The following NPAT variants were observed in gnomAD, a reference collection of about 807,000 sequenced individuals.
The protein encoded by NPAT is nuclear protein, coactivator of histone transcription, also known as protein NPAT.
In NPAT, 52 loss-of-function variants were observed where a neutral mutation model predicts 130.7. The ratio of observed to expected loss-of-function variants is 0.40; its 90% CI spans 0.32 to 0.50. The LOEUF (loss-of-function observed/expected upper bound fraction) is 0.50, where lower values mean the gene tolerates loss of function less well. Among genes scored for constraint, NPAT ranks in the 20% least tolerant of loss-of-function variants. NPAT has a pLI of 0.68. For synonymous variants in NPAT, 580 were observed against 584.8 expected (o/e 0.99, Z 0.12); for missense variants, 1,687 against 1,662.6 (o/e 1.01, Z -0.26).
chr11:108,218,924 G>A (rs1251170030), intron 1 of NPAT, among the ~76,000 whole-genome samples: 4 of 152,124 alleles, frequency 2.6e-5, no homozygotes, highest in Non-Finnish European at 5.9e-5. Flanking sequence ...AAACAAAGGA[G>A]TGTCATAATC....
intron 15 of NPAT, among the ~76,000 whole-genome samples, chr11:108,168,877 A>G (rs1364215762): frequency 5.3e-5 from 8 of 152,164 alleles, no homozygotes; most frequent in Non-Finnish European, 1.2e-4. Flanking sequence ...GTAAGAGATG[A>G]GATGGAGAGG....
intron 1 of NPAT, among the ~76,000 whole-genome samples, chr11:108,218,226 A>G (rs1486780878): frequency 6.6e-6 from 1 of 152,182 alleles, no homozygotes; most frequent in African/African-American, 2.4e-5. Context: ...TATTATCTTC[A>G]GCCTACTTTT....
chr11:108,189,192 A>T lies in NPAT; in HGVS notation c.470T>A (p.Val157Asp), dbSNP rs757325183. 2.7e-5 allele frequency: 43 copies of T among 1,614,076 alleles called. No homozygotes were observed. Among genetic ancestry groups the T allele is most frequent in the Non-Finnish European group, 3.5e-5 (41 of 1,180,042 alleles). Residue 157 changes from valine (V) to aspartate (D), a missense_variant, in exon 6 of 18, where the codon GTT becomes GAT. Val to Asp is a radical substitution (Grantham distance 152). Coordinates refer to ENST00000278612, the MANE Select transcript of NPAT (RefSeq NM_002519.3). ...TGAAATTTGGCCACTTGGTCGAGTA[A>T]CCTGTGTACCTGTGGAAGGAGGAGT... The part of the protein sequence containing the change: ...FTTPPSTGTQ[V>D]TRPSGQISDP...
In NPAT at chr11:108,162,033, A is replaced by G. The variant is rs1210183897; in HGVS notation, c.3072-19T>C. On this transcript the variant is annotated intron_variant, in intron 16 of 17. Coordinates refer to ENST00000278612, the MANE Select transcript of NPAT (RefSeq NM_002519.3). Reference sequence around the variant, plus strand: ...TTCAGTTCTAAAACAAAACAAAACAAAACTATTTCTAGCAGCATAAAGAAA... The same window carrying G: ...TTCAGTTCTAAAACAAAACAAAACAGAACTATTTCTAGCAGCATAAAGAAA... 2 of 1,611,328 alleles carry G rather than the reference A, an allele frequency of 1.2e-6. No individual in the cohort carries two copies. The highest frequency in any genetic ancestry group is 1.3e-5 in the African/African-American group (1 of 74,730).
chr11:108,161,810 T>A lies in NPAT; in HGVS notation c.3276A>T (p.Ala1092=). 2 of 1,614,114 alleles carry A rather than the reference T, an allele frequency of 1.2e-6. No individual in the cohort carries two copies. The highest frequency in any genetic ancestry group is 1.7e-6 in the Non-Finnish European group (2 of 1,180,044). Residue 1092 remains alanine, a synonymous_variant, in exon 17 of 18, where the codon GCA becomes GCT. Coordinates refer to ENST00000278612, the MANE Select transcript of NPAT (RefSeq NM_002519.3). ...GTGAGTCAAGATTAGGAAAAGAGAC[T>A]GCATTCCTTTCTTTGTTTTGGGACA... The part of the protein sequence containing the change: ...KMVSQNKERN[A]VSFPNLDSPN...
At chr11:108,197,234 G>C in intron 2 of NPAT, 68 bp downstream of exon 2, 1 of 1,133,338 alleles carries the variant, frequency 8.8e-7, no homozygotes, top group Admixed American at 1.7e-5. Context: ...CTGATAAGCT[G>C]ATTTTATGAC....
At chr11:108,166,408 AT>A (rs1192993558) in intron 15 of NPAT, among the ~76,000 whole-genome samples, 1 of 152,176 alleles carries the variant, frequency 6.6e-6, no homozygotes, top group Non-Finnish European at 1.5e-5. Flanking sequence ...AAATAAAAAA[AT>A]AAATAAATCC....
intron 1 of NPAT, among the ~76,000 whole-genome samples, chr11:108,210,263 C>T (rs2078372188): frequency 6.6e-6 from 1 of 152,062 alleles, no homozygotes; most frequent in African/African-American, 2.4e-5. Context: ...TTAGATGTTG[C>T]TCCTGCTAAA....
chr11:108,167,911 A>G (rs1036574509), intron 15 of NPAT, among the ~76,000 whole-genome samples: 7 of 152,226 alleles, frequency 4.6e-5, no homozygotes, highest in Admixed American at 3.9e-4. Context: ...AAGGATATGA[A>G]TAAGCAATTC....
Position 108,222,573 on chromosome 11 carries a change from G to A in NPAT, c.-37C>T, listed in dbSNP as rs199579930. ...CAGCAGGAACCACAATAAGGAACAA[G>A]ACTCAGGTTAAAGCAAACACAGCGA... On this transcript the variant is annotated 5_prime_UTR_variant, in exon 1 of 18. Coordinates refer to ENST00000278612, the MANE Select transcript of NPAT (RefSeq NM_002519.3). 6.2e-7 allele frequency: 1 copy of A among 1,612,750 alleles called. No homozygotes were observed. Among genetic ancestry groups the A allele is most frequent in the Non-Finnish European group, 8.5e-7 (1 of 1,179,182 alleles).
At chr11:108,204,406 A>G (rs893679920) in intron 1 of NPAT, among the ~76,000 whole-genome samples, 2 of 152,118 alleles carry the variant, frequency 1.3e-5, no homozygotes, top group Admixed American at 1.3e-4. Flanking sequence ...TGGGACCCCT[A>G]TCACACAGAG....
At chr11:108,189,644 G>A (rs1444292050) in intron 5 of NPAT, among the ~76,000 whole-genome samples, 1 of 151,954 alleles carries the variant, frequency 6.6e-6, no homozygotes, top group African/African-American at 2.4e-5. Flanking sequence ...GCCGAGGCGG[G>A]CGGATCACGA....
chr11:108,208,179 T>C (rs1319765242), intron 1 of NPAT, among the ~76,000 whole-genome samples: 4 of 152,174 alleles, frequency 2.6e-5, no homozygotes, highest in Non-Finnish European at 4.4e-5. Context: ...GAGGGTCATG[T>C]TGGTATACAA....
At chr11:108,192,962 AAAC>A (rs935209407) in intron 3 of NPAT, among the ~76,000 whole-genome samples, 8 of 145,786 alleles carry the variant, frequency 5.5e-5, no homozygotes, top group African/African-American at 2.3e-4. Context: ...CTCAAAAAAA[AAAC>A]AAACAAAGAA....
At chr11:108,220,850 G>A (rs2078480253) in intron 1 of NPAT, among the ~76,000 whole-genome samples, 1 of 152,194 alleles carries the variant, frequency 6.6e-6, no homozygotes, top group African/African-American at 2.4e-5. Flanking sequence ...TAAATAAAAT[G>A]AATTGCGAGG....
intron 1 of NPAT, among the ~76,000 whole-genome samples, chr11:108,200,286 T>C (rs1439359194): frequency 1.3e-5 from 2 of 152,180 alleles, no homozygotes; most frequent in African/African-American, 4.8e-5. Context: ...CCTTTCTTAG[T>C]GTGACTGTGA....
At chr11:108,214,121 C>G (rs2078409898) in intron 1 of NPAT, among the ~76,000 whole-genome samples, 1 of 152,156 alleles carries the variant, frequency 6.6e-6, no homozygotes, top group South Asian at 2.1e-4. Context: ...GTCTCGCTCC[C>G]CTGGCTTCAA....
At chr11:108,164,496 G>A (rs1370281273) in intron 15 of NPAT, among the ~76,000 whole-genome samples, 1 of 152,178 alleles carries the variant, frequency 6.6e-6, no homozygotes. Flanking sequence ...GTTTAGTAAA[G>A]GAAGTGAATC....
intron 1 of NPAT, among the ~76,000 whole-genome samples, chr11:108,203,877 T>C (rs780586275): frequency 2.6e-5 from 4 of 152,254 alleles, no homozygotes; most frequent in Non-Finnish European, 5.9e-5. Context: ...TTTTCCCTTC[T>C]AGCTCCTCTT....
Sources: gnomAD v4.1 joint callset for allele counts (sites outside exome capture counted in the v4.1 genomes callset) on GRCh38, gnomAD v4.1.1 for gene constraint, MANE v1.5 for transcripts, NCBI Gene and HGNC (gene_info 2026-07-23, HGNC 2026-07-21) for gene names.